FBXL12: variants seen among roughly 807,000 people sequenced by gnomAD.
FBXL12 encodes F-box/LRR-repeat protein 12.
In FBXL12, 22 loss-of-function variants were observed where a neutral mutation model predicts 24.9. The observed-to-expected ratio is 0.88, with a 90% CI of 0.63 to 1.26. The LOEUF (loss-of-function observed/expected upper bound fraction) is 1.26, where lower values mean the gene tolerates loss of function less well. FBXL12 is among the 50% of genes most tolerant of loss of function. The pLI is 0.00. For synonymous variants in FBXL12, 193 were observed against 193.8 expected (o/e 1.00, Z 0.03); for missense variants, 384 against 434.1 (o/e 0.88, Z 1.03).
chr19:9,811,745 G>A lies in FBXL12; in HGVS notation c.160-28C>T, dbSNP rs1223060369. Reference sequence around the variant, plus strand: ...GTAAGAGCCAGAGATTGGGGTGACAGAGTGAGAGGTATGGAGCTTCCAAGG... The same window carrying A: ...GTAAGAGCCAGAGATTGGGGTGACAAAGTGAGAGGTATGGAGCTTCCAAGG... On this transcript the variant is annotated intron_variant, in intron 2 of 2. Transcript: ENST00000247977. The surrounding 1 kb of genome is among the most constrained non-coding windows in gnomAD (Gnocchi z 6.0). 6.7e-6 allele frequency: 10 copies of A among 1,499,802 alleles called. No individual in the cohort carries two copies. The highest frequency in any genetic ancestry group is 8.9e-6 in the Non-Finnish European group (10 of 1,122,704). The allele number at this position is 1,499,802 out of a possible 1,614,324, so 92.9% of individuals were successfully genotyped here. A position where few individuals can be genotyped will look rare whatever the true frequency, so the allele number is the denominator to read the frequency against.
intron 2 of FBXL12, among the ~76,000 whole-genome samples, chr19:9,817,958 A>T (rs1269453449): frequency 6.6e-6 from 1 of 152,214 alleles, no homozygotes; most frequent in Non-Finnish European, 1.5e-5. Flanking sequence ...TCATGCCTGT[A>T]ATCTGAACAC....
In FBXL12 at chr19:9,818,584, G is replaced by A; in HGVS notation, c.120C>T (p.Asp40=). ...GGTCGACATGTCGCCACAGCCACCG[G>A]TCGTCCACCAGCCTCTTCCAGCGGT... ...VCHRWKRLVD[D]RWLWRHVDLT... is the part of the protein sequence containing the mutation. Residue 40 remains aspartate (D), a synonymous_variant, in exon 2 of 3, where the codon GAC becomes GAT. Transcript: ENST00000247977. The A allele has an allele frequency of 6.4e-7, 1 of 1,554,716 alleles. No individual in the cohort carries two copies. The highest frequency in any genetic ancestry group is 8.7e-7 in the Non-Finnish European group (1 of 1,151,064).
At chr19:9,818,410 C>T (rs1313961618) in intron 2 of FBXL12, 135 bp downstream of exon 2, 4 of 916,288 alleles carry the variant, frequency 4.4e-6, no homozygotes, top group African/African-American at 3.3e-5. Flanking sequence ...GCGATGATGC[C>T]GAGATAGGCC....
At chr19:9,812,334 C>T (rs1446708664) in intron 2 of FBXL12, among the ~76,000 whole-genome samples, 1 of 151,712 alleles carries the variant, frequency 6.6e-6, no homozygotes, top group African/African-American at 2.4e-5. Flanking sequence ...AGTTTAATAC[C>T]AGCCTGGCCA....
rs901063974 is a variant in FBXL12, at chr19:9,810,316, G to A, written c.*580C>T. The A allele has an allele frequency of 1.3e-5, 2 of 152,056 alleles. No individual in the cohort carries two copies. Among genetic ancestry groups the A allele is most frequent in the Admixed American group, 6.6e-5 (1 of 15,256 alleles). The allele number at this position is 152,056 out of a possible 1,614,324, so 9.4% of individuals were successfully genotyped here. On this transcript the variant is annotated 3_prime_UTR_variant, in exon 3 of 3. Coordinates refer to ENST00000247977, the MANE Select transcript of FBXL12 (RefSeq NM_017703.3). ...TTTCTTTAATAGTAAAATAATATAC[G>A]TCTTGGAAAATACAGCATACAAAAT... is the stretch of plus-strand genomic sequence containing the variant.
chr19:9,816,882 G>A (rs1016206447), intron 2 of FBXL12, among the ~76,000 whole-genome samples: 1 of 152,180 alleles, frequency 6.6e-6, no homozygotes, highest in Non-Finnish European at 1.5e-5. Flanking sequence ...GTTCCACATG[G>A]CTGGGGAGGC....
intron 2 of FBXL12, chr19:9,818,088 C>G (rs922552496): frequency 2.6e-6 from 1 of 379,336 alleles, no homozygotes; most frequent in East Asian, 3.8e-5. Flanking sequence ...GGCGAGCGCC[C>G]GTGGTTCCAG....
At position 9,817,504 on chromosome 19, in the gene FBXL12, G is replaced by A. The variant is rs545595507; in HGVS notation, c.159+1041C>T. Among the ~76,000 whole-genome samples, 42 of 152,152 alleles carry A rather than the reference G, an allele frequency of 2.8e-4. 2 individuals are homozygous for A. The highest frequency in any genetic ancestry group is 9.4e-4 in the African/African-American group (39 of 41,512). ...CCAATGGACGAATCAACTTTTCCTC[G>A]CAAAACCAACAACTAAGTTTCAACA... On this transcript the variant is annotated intron_variant, in intron 2 of 2. Transcript: ENST00000247977.
In FBXL12 at chr19:9,818,754, C is replaced by G; in HGVS notation, c.60G>C (p.Pro20=). 6.4e-7 allele frequency: 1 copy of G among 1,552,850 alleles called. No individual in the cohort carries two copies. The highest frequency in any genetic ancestry group is 8.7e-7 in the Non-Finnish European group (1 of 1,146,528). ...TGGAGATGCGGATCCGGTCCCGTAC[C>G]GGGAGGTAAGAGAAGATCTCGAGCA... ...SVLLEIFSYL[P]VRDRIRISRV... is the part of the protein sequence containing the mutation. The change falls in exon 1 of 3, where the codon CCG becomes CCC. Residue 20 remains proline (P), a synonymous_variant. Coordinates refer to ENST00000247977, the MANE Select transcript of FBXL12 (RefSeq NM_017703.3).
At chr19:9,812,571 G>A (rs1380804823) in intron 2 of FBXL12, among the ~76,000 whole-genome samples, 3 of 149,794 alleles carry the variant, frequency 2.0e-5, no homozygotes, top group African/African-American at 7.3e-5. Flanking sequence ...ATCTGGTAGG[G>A]GAAAAAAAGA....
Position 9,810,628 on chromosome 19 carries a change from A to T in FBXL12, c.*268T>A, listed in dbSNP as rs957830368. On this transcript the variant is annotated 3_prime_UTR_variant, in exon 3 of 3. Coordinates refer to ENST00000247977, the MANE Select transcript of FBXL12 (RefSeq NM_017703.3). ...CTGGAGGCTGGGAGCTTTTAGAGTA[A>T]GGCTTTGCAATGTAACCGTGAGGTA... The T allele has an allele frequency of 2.0e-5, 7 of 346,296 alleles. No homozygotes were observed. The highest frequency in any genetic ancestry group is 3.7e-5 in the Non-Finnish European group (7 of 188,798). 21.5% of individuals were successfully genotyped at this position (346,296 alleles called of 1,614,324 possible).
In FBXL12 at chr19:9,810,591, C is replaced by A; in HGVS notation, c.*305G>T. On this transcript the variant is annotated 3_prime_UTR_variant, in exon 3 of 3. Coordinates refer to ENST00000247977, the MANE Select transcript of FBXL12 (RefSeq NM_017703.3). ...GAAGACGACCATGAAGGTGACTCTT[C>A]ATTGAGAGCCTCTGGAGGCTGGGAG... 1 of 257,286 alleles carries A rather than the reference C, an allele frequency of 3.9e-6. No homozygotes were observed. The highest frequency in any genetic ancestry group is 7.5e-6 in the Non-Finnish European group (1 of 132,596). The allele number at this position is 257,286 out of a possible 1,614,324, so 15.9% of individuals were successfully genotyped here. A position where few individuals can be genotyped will look rare whatever the true frequency, so the allele number is the denominator to read the frequency against.
intron 2 of FBXL12, chr19:9,818,141 G>A: frequency 2.5e-6 from 1 of 401,868 alleles, no homozygotes; most frequent in Non-Finnish European, 4.4e-6. Flanking sequence ...GAGCTTGGGA[G>A]GTCGAGGCTG....
rs776994796 is a variant in FBXL12 at position 9,818,624 on chromosome 19, G to A, written c.87-7C>T. The A allele has an allele frequency of 3.3e-5, 52 of 1,553,030 alleles. No individual in the cohort carries two copies. The highest frequency in any genetic ancestry group is 5.8e-5 in the Admixed American group (3 of 51,356). ...CTTCCAGCGGTGACAGACCCTGGGG[G>A]AGGGGACGCGCGGTTAGAACGACCC... On this transcript the variant is annotated splice_polypyrimidine_tract_variant and splice_region_variant and intron_variant, in intron 1 of 2. Transcript: ENST00000247977.
At chr19:9,816,378 A>G (rs1167206793) in intron 2 of FBXL12, among the ~76,000 whole-genome samples, 1 of 152,090 alleles carries the variant, frequency 6.6e-6, no homozygotes, top group African/African-American at 2.4e-5. Context: ...AAAACTGAAT[A>G]CCTTTAACAG....
rs147388336 is a variant in FBXL12, at chr19:9,811,350, C to T, written c.527G>A (p.Arg176Gln). ...DEHLQGLTRFRALRSLVLGGT... is the reference protein window; with the variant it reads ...DEHLQGLTRFQALRSLVLGGT... ...ACCCAGCACCAGCGAGCGCAAGGCC[C>T]GGAAGCGCGTCAGGCCCTGCAGGTG... Residue 176 changes from arginine to glutamine, a missense_variant, in exon 3 of 3, where the codon CGG (arginine) becomes CAG (glutamine). Physicochemically the swap from Arg to Gln is conservative, Grantham distance 43 (BLOSUM62 1). Coordinates refer to ENST00000247977, the MANE Select transcript of FBXL12 (RefSeq NM_017703.3). The surrounding 1 kb of genome is among the most constrained non-coding windows in gnomAD (Gnocchi z 6.0). 7.3e-5 allele frequency: 117 copies of T among 1,610,766 alleles called. No individual in the cohort carries two copies. The highest frequency in any genetic ancestry group is 9.2e-5 in the Non-Finnish European group (108 of 1,179,954).
In FBXL12 at chr19:9,813,351, T is replaced by C. The variant is rs538623795; in HGVS notation, c.160-1634A>G. 1.2e-4 allele frequency: 117 copies of C among 984,912 alleles called. 1 individual carries two copies. In the South Asian group the frequency reaches 1.5e-3, roughly 13 times the overall value. 61.0% of individuals were successfully genotyped at this position (984,912 alleles called of 1,614,324 possible). A position where few individuals can be genotyped will look rare whatever the true frequency, so the allele number is the denominator to read the frequency against. ...AAAGGTGTTTCTTTTCTTTTCTTTT[T>C]TTTTGAGACGGAGTTTTGCTTGTTG... On this transcript the variant is annotated intron_variant, in intron 2 of 2. Coordinates refer to ENST00000247977, the MANE Select transcript of FBXL12 (RefSeq NM_017703.3).
chr19:9,813,059 G>A (rs939432310), intron 2 of FBXL12, among the ~76,000 whole-genome samples: 17 of 151,564 alleles, frequency 1.1e-4, no homozygotes, highest in South Asian at 4.1e-4. Context: ...CAACAAGAGC[G>A]AAACTCCATG....
At position 9,811,974 on chromosome 19, in the gene FBXL12, A is replaced by T. The variant is rs1599423047; in HGVS notation, c.160-257T>A. Among the ~76,000 whole-genome samples the T allele has an allele frequency of 7.1e-6, 1 of 141,332 alleles. No homozygotes were observed. Among genetic ancestry groups the T allele is most frequent in the Admixed American group, 7.6e-5 (1 of 13,180 alleles). 92.7% of individuals were successfully genotyped at this position (141,332 alleles called of 152,430 possible). ...TTCTGAGACAGGTTCTTGCTCTGTC[A>T]CCCAGTCTACAGTGCAGTGGTGAGA... On this transcript the variant is annotated intron_variant, in intron 2 of 2. Coordinates refer to ENST00000247977, the MANE Select transcript of FBXL12 (RefSeq NM_017703.3). This position sits in a 1 kb window ranked among gnomAD's most constrained non-coding sequence, Gnocchi z 6.0.
Sources: allele counts gnomAD v4.1 joint callset (sites outside exome capture counted in the v4.1 genomes callset), GRCh38; gene constraint gnomAD v4.1.1; non-coding constraint Gnocchi (gnomAD v3.1); transcripts MANE v1.5; gene names NCBI Gene and HGNC (gene_info 2026-07-23, HGNC 2026-07-21).